Variants in KCNT2 observed in about 807,000 individuals in gnomAD.
The protein encoded by KCNT2 is potassium channel subfamily T member 2.
Under a neutral mutation model 153.8 loss-of-function variants are expected in KCNT2, and 67 were observed. That is an observed-to-expected ratio of 0.44 (90% CI 0.36 to 0.53). The LOEUF is 0.53. KCNT2 is among the 20% of genes least tolerant of loss of function. The pLI is 0.00. For synonymous variants in KCNT2, 500 were observed against 458.8 expected (o/e 1.09, Z -1.15); for missense variants, 975 against 1,354.8 (o/e 0.72, Z 4.40).
intron 25 of KCNT2, among the ~76,000 whole-genome samples, chr1:196,270,587 G>T (rs1474172736): frequency 2.0e-5 from 3 of 152,016 alleles, no homozygotes; most frequent in Non-Finnish European, 2.9e-5. Flanking sequence ...ACGCATACAG[G>T]CAGTCAAATT....
intron 1 of KCNT2, among the ~76,000 whole-genome samples, chr1:196,594,146 G>A (rs1333403551): frequency 1.3e-5 from 2 of 151,966 alleles, no homozygotes; most frequent in East Asian, 1.9e-4. Context: ...CAGATTGATG[G>A]TTTTCACTGA....
chr1:196,368,469 G>A (rs904746408), intron 14 of KCNT2, among the ~76,000 whole-genome samples: 2 of 152,122 alleles, frequency 1.3e-5, no homozygotes, highest in African/African-American at 4.8e-5. Context: ...ACCTAATGAA[G>A]TAGCAATCTC....
At chr1:196,272,151 A>T (rs1658122650) in intron 25 of KCNT2, among the ~76,000 whole-genome samples, 1 of 152,006 alleles carries the variant, frequency 6.6e-6, no homozygotes. Context: ...TTCCAAGCCC[A>T]GTGCTAATTG....
chr1:196,526,134 A>G lies in KCNT2; in HGVS notation c.96-33793T>C, dbSNP rs140986142. Among the ~76,000 whole-genome samples, 77 of 152,154 alleles carry G rather than the reference A, an allele frequency of 5.1e-4. 1 individual carries two copies. In the East Asian group the frequency reaches 0.015, roughly 29 times the overall value. On this transcript the variant is annotated intron_variant, in intron 1 of 27. Coordinates refer to ENST00000294725, the MANE Select transcript of KCNT2 (RefSeq NM_198503.5). ...TTGTGTTAACATTTGAGGAACAGAC[A>G]AGAATGCATTGGATCATCCAAATAA...
At chr1:196,429,995 T>C (rs1055383597) in intron 8 of KCNT2, among the ~76,000 whole-genome samples, 3 of 152,076 alleles carry the variant, frequency 2.0e-5, no homozygotes, top group African/African-American at 7.2e-5. Context: ...CACAGTATAT[T>C]TGAGTAACAT....
chr1:196,244,187 G>A (rs1655216377), intron 26 of KCNT2, among the ~76,000 whole-genome samples: 1 of 152,126 alleles, frequency 6.6e-6, no homozygotes, highest in Non-Finnish European at 1.5e-5. Flanking sequence ...ATAATCAGCT[G>A]TGATACCCAG....
intron 14 of KCNT2, among the ~76,000 whole-genome samples, chr1:196,372,384 G>A (rs574847159): frequency 2.6e-4 from 39 of 151,922 alleles, no homozygotes; most frequent in Non-Finnish European, 2.9e-5. Flanking sequence ...ACTAGCATAA[G>A]TGGAATTTAC....
At chr1:196,499,345 C>T (rs1468366606) in intron 1 of KCNT2, among the ~76,000 whole-genome samples, 2 of 152,190 alleles carry the variant, frequency 1.3e-5, no homozygotes, top group Non-Finnish European at 2.9e-5. Context: ...GGTGACAACA[C>T]CAGTTCTCAG....
intron 25 of KCNT2, chr1:196,273,602 A>C: frequency 1.5e-6 from 1 of 662,092 alleles, no homozygotes; most frequent in Non-Finnish European, 2.6e-6. Context: ...ATACCCACAT[A>C]ACAAAATCCA....
intron 1 of KCNT2, among the ~76,000 whole-genome samples, chr1:196,545,263 T>G (rs1246479509): frequency 2.6e-5 from 4 of 152,066 alleles, no homozygotes; most frequent in Non-Finnish European, 4.4e-5. Context: ...GTAAGCAGGA[T>G]ATAGTTATAA....
chr1:196,443,831 A>G (rs1372991207), intron 8 of KCNT2, among the ~76,000 whole-genome samples: 2 of 151,578 alleles, frequency 1.3e-5, no homozygotes, highest in African/African-American at 4.8e-5. Context: ...GAAACTGGCA[A>G]TAGTTGGTAC....
At position 196,359,520 on chromosome 1, in the gene KCNT2, C is replaced by A. The variant is rs139750778; in HGVS notation, c.1403+13620G>T. Among the ~76,000 whole-genome samples the A allele has an allele frequency of 3.8e-4, 58 of 151,972 alleles. 1 individual carries two copies. In the East Asian group the frequency reaches 0.011, roughly 28 times the overall value. On this transcript the variant is annotated intron_variant, in intron 14 of 27. Transcript: ENST00000294725. ...TCTCAATCTTTAGTGCATCTTATTT[C>A]ATTTATTTAACTAATATTTGTTGAA... is the stretch of plus-strand genomic sequence containing the variant.
intron 16 of KCNT2, among the ~76,000 whole-genome samples, chr1:196,339,568 G>A (rs1186580983): frequency 1.3e-5 from 2 of 151,700 alleles, no homozygotes; most frequent in African/African-American, 2.4e-5. Flanking sequence ...GACACAGAGA[G>A]AGAGAGATCA....
In KCNT2 at chr1:196,347,446, A is replaced by G. The variant is rs115223728; in HGVS notation, c.1404-5218T>C. 5.2e-3 allele frequency among the ~76,000 whole-genome samples: 786 copies of G among 152,294 alleles called. 8 individuals are homozygous for G. Among genetic ancestry groups the G allele is most frequent in the African/African-American group, 0.018 (760 of 41,582 alleles). On this transcript the variant is annotated intron_variant, in intron 14 of 27. Coordinates refer to ENST00000294725, the MANE Select transcript of KCNT2 (RefSeq NM_198503.5). ...ACCCAGGTGTGATTTGTACTCACCT[A>G]TTTGTTTATTCCTTCCTCCATCATC... is the stretch of plus-strand genomic sequence containing the variant.
intron 12 of KCNT2, 97 bp from the exon 13 acceptor site, chr1:196,398,768 GTTAAAAC>G: frequency 6.7e-6 from 4 of 600,210 alleles, no homozygotes; most frequent in Non-Finnish European, 1.2e-5. Flanking sequence ...CACATCCATA[GTTAAAAC>G]TTAAACATAA....
chr1:196,296,476 C>A (rs964967408), intron 22 of KCNT2, among the ~76,000 whole-genome samples: 1 of 151,870 alleles, frequency 6.6e-6, no homozygotes, highest in Non-Finnish European at 1.5e-5. Flanking sequence ...TTTGGAAGGA[C>A]TTTAAATACA....
chr1:196,462,970 A>G (rs1178533851), intron 8 of KCNT2, among the ~76,000 whole-genome samples: 1 of 151,734 alleles, frequency 6.6e-6, no homozygotes, highest in East Asian at 1.9e-4. Context: ...AGCCTAAAGT[A>G]CAACTTGTGT....
chr1:196,552,848 A>G (rs1010462052), intron 1 of KCNT2, among the ~76,000 whole-genome samples: 2 of 151,370 alleles, frequency 1.3e-5, no homozygotes, highest in Non-Finnish European at 3.0e-5. Flanking sequence ...AGTTGTCAGC[A>G]GTTTAAAATA....
At chr1:196,300,825 G>A (rs1296814969) in intron 22 of KCNT2, among the ~76,000 whole-genome samples, 2 of 152,086 alleles carry the variant, frequency 1.3e-5, no homozygotes, top group African/African-American at 4.8e-5. Flanking sequence ...TGCAATGGGT[G>A]AGAAATTTTT....
Sources: gnomAD v4.1 joint callset for allele counts (sites outside exome capture counted in the v4.1 genomes callset) on GRCh38, gnomAD v4.1.1 for gene constraint, MANE v1.5 for transcripts, NCBI Gene and HGNC (gene_info 2026-07-23, HGNC 2026-07-21) for gene names.